PDE1C: variants seen among roughly 807,000 people sequenced by gnomAD.
The protein encoded by PDE1C is phosphodiesterase 1C.
PDE1C carries 62 observed loss-of-function variants against 93.1 expected under a neutral mutation model. That is an observed-to-expected ratio of 0.67 (90% CI 0.54 to 0.82). PDE1C has a LOEUF of 0.82. Ranked by LOEUF, PDE1C falls within the 40% of genes least tolerant of loss-of-function variation. The pLI is 0.00. For missense variants in PDE1C, 742 were observed against 884.6 expected (o/e 0.84, Z 2.04); for synonymous variants, 325 against 310.1 (o/e 1.05, Z -0.50).
intron 2 of PDE1C, among the ~76,000 whole-genome samples, chr7:32,019,562 A>G (rs141790346): frequency 7.9e-5 from 12 of 152,316 alleles, no homozygotes; most frequent in Non-Finnish European, 1.8e-4. Context: ...GCTTCAGTAC[A>G]GCTACATATG....
intron 3 of PDE1C, among the ~76,000 whole-genome samples, chr7:32,095,049 A>G (rs1349739433): frequency 1.3e-5 from 2 of 152,170 alleles, no homozygotes; most frequent in Non-Finnish European, 2.9e-5. Flanking sequence ...CCTTATTTCT[A>G]TAGAAAGTAA....
At position 31,775,721 on chromosome 7, in the gene PDE1C, G is replaced by C. The variant is rs184213182; in HGVS notation, c.1903C>G (p.Arg635Gly). Residue 635 changes from arginine to glycine, a missense_variant, in exon 17 of 18, where the codon CGT (arginine) becomes GGT (glycine). Transcript: ENST00000396191. ...CTTGGGGCTGGTGAGCCGTGAGAAC[G>C]CTGTTTTGTGCCTGTGAAGAGGAAA... is the stretch of plus-strand genomic sequence containing the variant. ...DSKKTDGTKQRSHGSPAPSTS... is the reference protein window; with the variant it reads ...DSKKTDGTKQGSHGSPAPSTS... 6.2e-7 allele frequency: 1 copy of C among 1,612,710 alleles called. No individual in the cohort carries two copies. The highest frequency in any genetic ancestry group is 2.2e-5 in the East Asian group (1 of 44,878).
intron 1 of PDE1C, among the ~76,000 whole-genome samples, chr7:32,412,253 G>C (rs1396077829): frequency 6.6e-6 from 1 of 152,052 alleles, no homozygotes; most frequent in Non-Finnish European, 1.5e-5. Flanking sequence ...TCAGGAGTTC[G>C]AGACCAGCCT....
chr7:32,194,789 G>T (rs1387785125), intron 2 of PDE1C, among the ~76,000 whole-genome samples: 2 of 151,962 alleles, frequency 1.3e-5, no homozygotes, highest in African/African-American at 4.8e-5. Context: ...TGATATGTCA[G>T]GGCTTACATC....
At chr7:31,957,712 T>G (rs1223037566) in intron 2 of PDE1C, among the ~76,000 whole-genome samples, 3 of 152,228 alleles carry the variant, frequency 2.0e-5, no homozygotes, top group Admixed American at 2.0e-4. Flanking sequence ...CTGAGTAGCT[T>G]AGCAGAAATG....
the PDE1C span, chr7:31,643,086 C>T: frequency 1.5e-5 from 24 of 1,613,982 alleles, no homozygotes; most frequent in East Asian, 3.1e-4. Context: ...TGGTAACCCA[C>T]GTCACAGAAA....
At chr7:31,845,084 C>A (rs1326745042) in intron 9 of PDE1C, among the ~76,000 whole-genome samples, 1 of 152,072 alleles carries the variant, frequency 6.6e-6, no homozygotes, top group East Asian at 1.9e-4. Flanking sequence ...AAAGAAATTT[C>A]TTTAGCATCC....
chr7:31,713,338 C>T, the PDE1C span, among the ~76,000 whole-genome samples: 2 of 152,264 alleles, frequency 1.3e-5, no homozygotes, highest in Admixed American at 1.3e-4. Context: ...CCATGTCTCA[C>T]ATCCAGGTCA....
At chr7:32,390,930 A>C (rs186426898) in intron 1 of PDE1C, among the ~76,000 whole-genome samples, 7 of 152,312 alleles carry the variant, frequency 4.6e-5, no homozygotes, top group African/African-American at 1.7e-4. Flanking sequence ...ATTCAAAATT[A>C]TCTCTTTAAT....
intron 16 of PDE1C, among the ~76,000 whole-genome samples, chr7:31,800,993 C>T (rs985660039): frequency 6.8e-6 from 1 of 148,000 alleles, no homozygotes; most frequent in African/African-American, 2.5e-5. Context: ...GATCATGATG[C>T]TAAAGCAGTA....
rs115246962 is a variant in PDE1C at position 31,840,084 on chromosome 7, T to C, written c.981-2113A>G. 5.9e-3 allele frequency among the ~76,000 whole-genome samples: 905 copies of C among 152,280 alleles called. 12 individuals are homozygous for C. The highest frequency in any genetic ancestry group is 0.021 in the African/African-American group (861 of 41,566). On this transcript the variant is annotated intron_variant, in intron 9 of 17. Transcript: ENST00000396191. ...TGCCAAATATTTGTGAAAGTGGTTGTATCACTTTACATTTGACCACTAGCA... is the reference window on the plus strand; with the variant it reads ...TGCCAAATATTTGTGAAAGTGGTTGCATCACTTTACATTTGACCACTAGCA...
At chr7:32,023,559 A>G (rs1228427466) in intron 2 of PDE1C, among the ~76,000 whole-genome samples, 1 of 151,950 alleles carries the variant, frequency 6.6e-6, no homozygotes, top group Non-Finnish European at 1.5e-5. Flanking sequence ...GTAAGACAAA[A>G]TTTTGGCACA....
intron 3 of PDE1C, among the ~76,000 whole-genome samples, chr7:32,095,340 T>C (rs1254322427): frequency 6.6e-6 from 1 of 152,214 alleles, no homozygotes; most frequent in Admixed American, 6.5e-5. Context: ...AATCAGGTTA[T>C]GTGCCCATGA....
At chr7:31,915,227 G>A (rs1448759493) in intron 2 of PDE1C, among the ~76,000 whole-genome samples, 2 of 152,170 alleles carry the variant, frequency 1.3e-5, no homozygotes, top group Non-Finnish European at 2.9e-5. Flanking sequence ...GCTTCACACA[G>A]TAAGAACTGT....
chr7:31,734,009 A>G, the PDE1C span, among the ~76,000 whole-genome samples: 38 of 10,510 alleles, frequency 3.6e-3, no homozygotes, highest in Non-Finnish European at 0.042. Flanking sequence ...GTTTCAAAGA[A>G]AAAAAAAATG....
At chr7:31,661,738 G>A in the PDE1C span, among the ~76,000 whole-genome samples, 1 of 152,034 alleles carries the variant, frequency 6.6e-6, no homozygotes, top group Non-Finnish European at 1.5e-5. Context: ...AATAATATTG[G>A]GAATATTGTT....
intron 2 of PDE1C, among the ~76,000 whole-genome samples, chr7:31,975,964 T>C (rs931022913): frequency 1.3e-5 from 2 of 152,212 alleles, no homozygotes; most frequent in African/African-American, 4.8e-5. Context: ...GTCTATCCCA[T>C]GGTATCTTTG....
At chr7:32,368,348 T>C (rs1784262676) in intron 1 of PDE1C, among the ~76,000 whole-genome samples, 1 of 152,144 alleles carries the variant, frequency 6.6e-6, no homozygotes, top group African/African-American at 2.4e-5. Context: ...GTGGTGTTTC[T>C]ATACACAAAA....
chr7:31,629,045 AC>A, the PDE1C span, among the ~76,000 whole-genome samples: 1 of 152,066 alleles, frequency 6.6e-6, no homozygotes, highest in Non-Finnish European at 1.5e-5. Context: ...AAAATTTGAA[AC>A]CTATCTATTG....
Sources: allele counts gnomAD v4.1 joint callset (sites outside exome capture counted in the v4.1 genomes callset), GRCh38; gene constraint gnomAD v4.1.1; transcripts MANE v1.5; gene names NCBI Gene and HGNC (gene_info 2026-07-23, HGNC 2026-07-21).